PRR19: variants seen among roughly 807,000 people sequenced by gnomAD.
The protein encoded by PRR19 is proline rich 19.
Under a neutral mutation model 19.2 loss-of-function variants are expected in PRR19, and 9 were observed. The ratio of observed to expected loss-of-function variants is 0.47; its 90% CI spans 0.28 to 0.82. PRR19 has a LOEUF of 0.82. Among genes scored for constraint, PRR19 ranks in the 40% least tolerant of loss-of-function variants. The pLI, the probability that PRR19 is intolerant of heterozygous loss-of-function variation, is 0.11. For synonymous variants in PRR19, 190 were observed against 191.0 expected, an observed-to-expected ratio of 0.99 and a Z score of 0.04; for missense variants, 457 against 466.0, an observed-to-expected ratio of 0.98 and a Z score of 0.18.
intron 1 of PRR19, among the ~76,000 whole-genome samples, chr19:42,304,374 C>A (rs897989035): frequency 6.7e-5 from 10 of 150,084 alleles, no homozygotes; most frequent in Non-Finnish European, 1.5e-4. Flanking sequence ...GTCCCAGCTA[C>A]TGGGGAGGCT....
intron 1 of PRR19, 97 bp downstream of exon 1, chr19:42,302,600 C>G: frequency 2.5e-6 from 1 of 394,980 alleles, no homozygotes; most frequent in South Asian, 3.7e-5. Flanking sequence ...AGGCCGCGCA[C>G]CCGGCACGGG....
Position 42,310,656 on chromosome 19 carries a change from C to G in PRR19, c.987C>G (p.Pro329=), listed in dbSNP as rs182146218. ...RTSVLDWSPS[P]PSPLPSLSWV... ...CTGTCCTGGACTGGAGCCCCAGCCCCCCTTCCCCACTGCCCAGCCTCTCCT... is the reference window on the plus strand; with the variant it reads ...CTGTCCTGGACTGGAGCCCCAGCCCGCCTTCCCCACTGCCCAGCCTCTCCT... Residue 329 remains proline (P), a synonymous_variant, in exon 3 of 3, where the codon CCC becomes CCG. Transcript: ENST00000341747. 8.1e-6 allele frequency: 13 copies of G among 1,611,690 alleles called. No homozygotes were observed. The Admixed American group carries it at 2.2e-4, about 27-fold the overall frequency.
chr19:42,304,749 CAAAAAAAAAAAAAAA>C (rs934766288), intron 1 of PRR19, among the ~76,000 whole-genome samples: 70 of 36,820 alleles, frequency 1.9e-3, no homozygotes, highest in African/African-American at 7.0e-3. Context: ...GACGCCGTCT[CAAAAAAAAAAAAAAA>C]AAAAAAAAGG....
Position 42,302,327 on chromosome 19 carries a change from T to C in PRR19, c.-183T>C. 1 of 1,589,492 alleles carries C rather than the reference T, an allele frequency of 6.3e-7. No homozygotes were observed. Among genetic ancestry groups the C allele is most frequent in the Non-Finnish European group, 8.5e-7 (1 of 1,169,950 alleles). On this transcript the variant is annotated 5_prime_UTR_variant, in exon 1 of 3. Coordinates refer to ENST00000341747, the MANE Select transcript of PRR19 (RefSeq NM_199285.3). The stretch of plus-strand genomic sequence containing the variant: ...CCACTCATCTTGGCGCCGCAGCTCC[T>C]GCAGGATGAGCGAGTCGGGTCGGCC...
chr19:42,303,064 GGTGTGTGTGTGTGT>G (rs59660057), intron 1 of PRR19, among the ~76,000 whole-genome samples: 16 of 134,036 alleles, frequency 1.2e-4, no homozygotes, highest in South Asian at 2.6e-4. Flanking sequence ...AAACACCGTG[GGTGTGTGTGTGTGT>G]GTGTGTGTGT....
rs2038651753 is a variant in PRR19 at position 42,302,471 on chromosome 19, T to G, written c.-39T>G. 1 of 618,324 alleles carries G rather than the reference T, an allele frequency of 1.6e-6. No homozygotes were observed. The highest frequency in any genetic ancestry group is 1.9e-5 in the African/African-American group (1 of 54,048). The allele number at this position is 618,324 out of a possible 1,614,324, so 38.3% of individuals were successfully genotyped here. ...ACGAAGGCCGATACAGGGCGCCGCCTCCTCTCCAGGGACGGAAGCCTTCAC... is the reference window on the plus strand; with the variant it reads ...ACGAAGGCCGATACAGGGCGCCGCCGCCTCTCCAGGGACGGAAGCCTTCAC... On this transcript the variant is annotated 5_prime_UTR_variant, in exon 1 of 3. Transcript: ENST00000341747.
At chr19:42,308,778 G>A (rs2038746028) in intron 1 of PRR19, 1 of 152,040 alleles carries the variant, frequency 6.6e-6, no homozygotes, top group South Asian at 2.1e-4. Flanking sequence ...TGAATTCCTA[G>A]CCTCAAGCGA....
At chr19:42,305,010 C>G (rs138752851) in intron 1 of PRR19, among the ~76,000 whole-genome samples, 1 of 151,700 alleles carries the variant, frequency 6.6e-6, no homozygotes, top group African/African-American at 2.4e-5. Flanking sequence ...GAGTTCAAGA[C>G]CAGTCTGACC....
At chr19:42,302,879 G>A (rs367900900) in intron 1 of PRR19, 12 of 140,994 alleles carry the variant, frequency 8.5e-5, no homozygotes, top group Admixed American at 5.1e-4. Flanking sequence ...ATATTCCCTT[G>A]AAGGGGTGGC....
In PRR19 at chr19:42,302,396, A is replaced by G; in HGVS notation, c.-114A>G. 3.2e-6 allele frequency: 4 copies of G among 1,242,228 alleles called. No homozygotes were observed. The South Asian group carries it at 5.5e-5, about 17-fold the overall frequency. The allele number at this position is 1,242,228 out of a possible 1,614,324, so 77.0% of individuals were successfully genotyped here. A position where few individuals can be genotyped will look rare whatever the true frequency, so the allele number is the denominator to read the frequency against. ...AGCTGGCTCCGCCACGCCCACTCCT[A>G]CCCCTCGCGGCAACAAAGGACCGTC... is the stretch of plus-strand genomic sequence containing the variant. On this transcript the variant is annotated 5_prime_UTR_variant, in exon 1 of 3. Transcript: ENST00000341747.
intron 1 of PRR19, among the ~76,000 whole-genome samples, chr19:42,304,316 C>A (rs2038682751): frequency 6.6e-6 from 1 of 151,524 alleles, no homozygotes; most frequent in South Asian, 2.1e-4. Flanking sequence ...CAAAAATAAA[C>A]AAACAAATAA....
Position 42,302,161 on chromosome 19 carries a change from C to T in PRR19, c.-349C>T. On this transcript the variant is annotated 5_prime_UTR_variant, in exon 1 of 3. It adds an upstream start codon to the 5' untranslated region. Transcript: ENST00000341747. ...TCCCAATCAGGTAGTGAGAGTGGCA[C>T]GAACCAGCCGTTCTCCTGAGCCACC... 2.0e-6 allele frequency: 3 copies of T among 1,502,652 alleles called. No homozygotes were observed. Among genetic ancestry groups the T allele is most frequent in the Non-Finnish European group, 2.7e-6 (3 of 1,104,992 alleles). The allele number at this position is 1,502,652 out of a possible 1,614,324, so 93.1% of individuals were successfully genotyped here. A position where few individuals can be genotyped will look rare whatever the true frequency, so the allele number is the denominator to read the frequency against.
At position 42,310,154 on chromosome 19, in the gene PRR19, G is replaced by A. The variant is rs750139932; in HGVS notation, c.570G>A (p.Leu190=). 4 of 1,614,060 alleles carry A rather than the reference G, an allele frequency of 2.5e-6. No individual in the cohort carries two copies. The South Asian group carries it at 4.4e-5, about 18-fold the overall frequency. ...ACHGCVPDLA[L]VLRGCQPPLP... ...ATGGTTGTGTGCCTGACCTTGCCCT[G>A]GTGCTTCGGGGCTGCCAGCCACCCT... Residue 190 remains leucine (L), a synonymous_variant, in exon 2 of 3, where the codon CTG becomes CTA. Transcript: ENST00000341747.
Position 42,302,222 on chromosome 19 carries a change from G to T in PRR19, c.-288G>T. On this transcript the variant is annotated 5_prime_UTR_variant, in exon 1 of 3. Transcript: ENST00000341747. ...CCGGACTCCTCAATATCCCAGGTGG[G>T]AACGCTCACCAGGGACATCCAGCGC... 6.3e-7 allele frequency: 1 copy of T among 1,585,906 alleles called. No homozygotes were observed. The highest frequency in any genetic ancestry group is 1.1e-5 in the South Asian group (1 of 87,102).
Position 42,310,045 on chromosome 19 carries a change from AG to A in PRR19, c.462del (p.Gln154HisfsTer2). 1 of 1,614,054 alleles carries A rather than the reference AG, an allele frequency of 6.2e-7. No homozygotes were observed. Among genetic ancestry groups the A allele is most frequent in the Non-Finnish European group, 8.5e-7 (1 of 1,180,028 alleles). The stretch of plus-strand genomic sequence containing the variant: ...CAGCTGCTGGCAGAGCTGCAGTGTC[AG>A]CTGAGTTTGCCACAGGCCTTCCCCC... The part of the protein sequence containing the change: ...VGQLLAELQC[Q>X]LSLPQAFPRR... On this transcript the variant is annotated frameshift_variant, in exon 2 of 3. Coordinates refer to ENST00000341747, the MANE Select transcript of PRR19 (RefSeq NM_199285.3). LOFTEE classifies it high-confidence loss of function.
chr19:42,306,375 G>A (rs1427593437), intron 1 of PRR19, among the ~76,000 whole-genome samples: 5 of 152,184 alleles, frequency 3.3e-5, no homozygotes, highest in African/African-American at 1.2e-4. Context: ...GGGTTTCACC[G>A]TGTTAGCCAG....
intron 1 of PRR19, among the ~76,000 whole-genome samples, chr19:42,305,991 C>T (rs1483201348): frequency 6.6e-6 from 1 of 152,190 alleles, no homozygotes; most frequent in African/African-American, 2.4e-5. Context: ...CCTGCCCCAG[C>T]CTGCTGAGTC....
In PRR19 at chr19:42,310,521, C is replaced by T. The variant is rs771745670; in HGVS notation, c.852C>T (p.Asp284=). 1 of 1,614,234 alleles carries T rather than the reference C, an allele frequency of 6.2e-7. No homozygotes were observed. Among genetic ancestry groups the T allele is most frequent in the South Asian group, 1.1e-5 (1 of 91,088 alleles). ...CCTGGGGTCCCCCAACAGCGTTTGACTTGTTAAAAAGCATCTGGCTGGTAG... is the reference window on the plus strand; with the variant it reads ...CCTGGGGTCCCCCAACAGCGTTTGATTTGTTAAAAAGCATCTGGCTGGTAG... ...GTAWGPPTAF[D]LLKSIWLVAT... is the part of the protein sequence containing the mutation. Residue 284 remains aspartate (D), a synonymous_variant, in exon 3 of 3, where the codon GAC becomes GAT. Transcript: ENST00000341747.
In PRR19 at chr19:42,310,556, C is replaced by T. The variant is rs138700619; in HGVS notation, c.887C>T (p.Pro296Leu). The stretch of plus-strand genomic sequence containing the variant: ...AGCATCTGGCTGGTAGCCACGCCAC[C>T]CCCTCCTCGGCCCTGGGGGGTTGGC... ...LKSIWLVATP[P>L]PPRPWGVGLP... Residue 296 changes from proline to leucine, a missense_variant, in exon 3 of 3, where the codon CCC becomes CTC. Pro to Leu is a moderately conservative substitution (Grantham distance 98, BLOSUM62 -3). Coordinates refer to ENST00000341747, the MANE Select transcript of PRR19 (RefSeq NM_199285.3). 5.0e-3 allele frequency: 8,012 copies of T among 1,614,164 alleles called. 45 individuals are homozygous for T. Among genetic ancestry groups the T allele is most frequent in the Non-Finnish European group, 4.9e-3 (5,757 of 1,180,020 alleles).
Sources: gnomAD v4.1 joint callset for allele counts (sites outside exome capture counted in the v4.1 genomes callset) on GRCh38, gnomAD v4.1.1 for gene constraint, MANE v1.5 for transcripts, NCBI Gene and HGNC (gene_info 2026-07-23, HGNC 2026-07-21) for gene names.